The following PHF24 variants were observed in gnomAD, a reference collection of about 807,000 sequenced individuals.
The protein encoded by PHF24 is PHD finger protein 24, also known as Galpha inhibitory interacting protein.
In PHF24, 25 loss-of-function variants were observed where a neutral mutation model predicts 42.6. The ratio of observed to expected loss-of-function variants is 0.59; its 90% CI spans 0.43 to 0.82. The LOEUF is 0.82. PHF24 is among the 40% of genes least tolerant of loss of function. PHF24 has a pLI of 0.00. For synonymous variants in PHF24, 185 were observed against 204.8 expected (o/e 0.90, Z 0.83); for missense variants, 470 against 538.1 (o/e 0.87, Z 1.25).
chr9:34,680,349 T>C, the PHF24 span, among the ~76,000 whole-genome samples: 1 of 151,734 alleles, frequency 6.6e-6, no homozygotes, highest in African/African-American at 2.4e-5. Flanking sequence ...CACTCCAGCC[T>C]GGGCGACTGA....
At chr9:34,786,372 G>A in the PHF24 span, among the ~76,000 whole-genome samples, 1 of 152,126 alleles carries the variant, frequency 6.6e-6, no homozygotes, top group African/African-American at 2.4e-5. Flanking sequence ...GCTTCACAAA[G>A]TTTAAACTGC....
At chr9:34,942,537 T>C in the PHF24 span, among the ~76,000 whole-genome samples, 2 of 152,168 alleles carry the variant, frequency 1.3e-5, no homozygotes, top group Non-Finnish European at 2.9e-5. Flanking sequence ...CCAGATCTCA[T>C]CAAATTATAT....
At chr9:34,717,874 A>T in the PHF24 span, among the ~76,000 whole-genome samples, 1 of 151,792 alleles carries the variant, frequency 6.6e-6, no homozygotes, top group Non-Finnish European at 1.5e-5. Context: ...GGTCCATGTG[A>T]GTTTGTCTTC....
chr9:34,798,299 A>G, the PHF24 span, among the ~76,000 whole-genome samples: 1 of 152,152 alleles, frequency 6.6e-6, no homozygotes, highest in African/African-American at 2.4e-5. Context: ...TTGGGCTTCT[A>G]TTGATCCCAT....
the PHF24 span, among the ~76,000 whole-genome samples, chr9:34,923,456 A>T: frequency 0.46 from 69,293 of 151,940 alleles, 16,344 homozygotes; most frequent in Non-Finnish European, 0.52. Context: ...CATTGGGTCC[A>T]GGGCTTTTCT....
chr9:34,853,095 G>A, the PHF24 span, among the ~76,000 whole-genome samples: 2 of 152,066 alleles, frequency 1.3e-5, no homozygotes, highest in Admixed American at 1.3e-4. Flanking sequence ...ATTGGCTGTG[G>A]GTTTGTCATA....
At chr9:34,906,907 G>C in the PHF24 span, among the ~76,000 whole-genome samples, 2 of 152,196 alleles carry the variant, frequency 1.3e-5, no homozygotes, top group Admixed American at 1.3e-4. Flanking sequence ...TTTTTAAAGA[G>C]AAGACTCTTG....
chr9:34,685,128 G>A, the PHF24 span, among the ~76,000 whole-genome samples: 1 of 152,202 alleles, frequency 6.6e-6, no homozygotes, highest in East Asian at 1.9e-4. Flanking sequence ...TCTGCCACCT[G>A]CCGATCAGAC....
chr9:34,854,164 TTTTC>T, the PHF24 span, among the ~76,000 whole-genome samples: 1 of 150,180 alleles, frequency 6.7e-6, no homozygotes, highest in South Asian at 2.1e-4. Context: ...TGGTTCTCTC[TTTTC>T]TTTATTAGTC....
At chr9:34,870,497 C>A in the PHF24 span, among the ~76,000 whole-genome samples, 4 of 152,016 alleles carry the variant, frequency 2.6e-5, no homozygotes, top group East Asian at 5.8e-4. Flanking sequence ...TCCAGAATGT[C>A]ATATAATTGG....
the PHF24 span, among the ~76,000 whole-genome samples, chr9:34,839,648 A>T: frequency 6.6e-6 from 1 of 152,196 alleles, no homozygotes; most frequent in Non-Finnish European, 1.5e-5. Context: ...CCTTTACCTC[A>T]CTGGCATGGT....
At position 34,958,868 on chromosome 9, in the gene PHF24, T is replaced by C. The variant is rs375110663; in HGVS notation, c.-5+467T>C. 1.4e-4 allele frequency among the ~76,000 whole-genome samples: 22 copies of C among 152,256 alleles called. No individual in the cohort carries two copies. The East Asian group carries it at 2.1e-3, about 15-fold the overall frequency. On this transcript the variant is annotated intron_variant, in intron 1 of 7. Coordinates refer to ENST00000242315, the Ensembl canonical transcript of PHF24. This position sits in a 1 kb window ranked among gnomAD's most constrained non-coding sequence, Gnocchi z 4.5. ...CCCTAGAACTGTGGGAAGCAACCTCTGACTGGGGAGGGGGATCCTCCCATG... is the reference window on the plus strand; with the variant it reads ...CCCTAGAACTGTGGGAAGCAACCTCCGACTGGGGAGGGGGATCCTCCCATG...
At chr9:34,878,500 C>T in the PHF24 span, among the ~76,000 whole-genome samples, 2 of 152,282 alleles carry the variant, frequency 1.3e-5, no homozygotes, top group South Asian at 2.1e-4. Context: ...GCTGGAAAAT[C>T]GGGACACTCT....
exon 8 of PHF24, chr9:34,979,750 G>A (rs1275312287): frequency 6.6e-6 from 1 of 152,178 alleles, no homozygotes; most frequent in Non-Finnish European, 1.5e-5. Flanking sequence ...TCCTCCTGTA[G>A]GAACCACCTT....
chr9:34,834,525 C>T, the PHF24 span: 2 of 1,551,438 alleles, frequency 1.3e-6, no homozygotes, highest in Non-Finnish European at 8.7e-7. Context: ...ATGTGGAATT[C>T]CAGCAGCTTC....
the PHF24 span, among the ~76,000 whole-genome samples, chr9:34,826,043 A>G: frequency 6.6e-6 from 1 of 152,034 alleles, no homozygotes; most frequent in Non-Finnish European, 1.5e-5. Flanking sequence ...AGAGAAGTTT[A>G]TAGAGGAGGA....
chr9:34,942,461 A>G, the PHF24 span, among the ~76,000 whole-genome samples: 1 of 152,230 alleles, frequency 6.6e-6, no homozygotes, highest in African/African-American at 2.4e-5. Context: ...CCCACCCTCT[A>G]GAGCACATCA....
chr9:34,756,516 T>A, the PHF24 span, among the ~76,000 whole-genome samples: 1 of 152,278 alleles, frequency 6.6e-6, no homozygotes, highest in Admixed American at 6.5e-5. Context: ...GAAAATCAGT[T>A]GGCTGTAAAT....
chr9:34,786,492 A>G, the PHF24 span, among the ~76,000 whole-genome samples: 1 of 152,146 alleles, frequency 6.6e-6, no homozygotes, highest in Non-Finnish European at 1.5e-5. Context: ...ATTTCAGCTG[A>G]GATTTGAGTA....
Sources: gnomAD v4.1 joint callset for allele counts (sites outside exome capture counted in the v4.1 genomes callset) on GRCh38, gnomAD v4.1.1 for gene constraint, Gnocchi (gnomAD v3.1) non-coding constraint, MANE v1.5 for transcripts, NCBI Gene and HGNC (gene_info 2026-07-23, HGNC 2026-07-21) for gene names.